PTPRD: variants seen among roughly 807,000 people sequenced by gnomAD.
PTPRD encodes protein tyrosine phosphatase receptor type D, also known as receptor-type tyrosine-protein phosphatase delta.
PTPRD carries 34 observed loss-of-function variants against 214.5 expected under a neutral mutation model. That is an observed-to-expected ratio of 0.16 (90% CI 0.12 to 0.21). PTPRD has a LOEUF of 0.21. PTPRD is among the 10% of genes least tolerant of loss of function. The pLI, the probability that PTPRD is intolerant of heterozygous loss-of-function variation, is 1.00. For synonymous variants in PTPRD, 1,128 were observed against 845.7 expected, an observed-to-expected ratio of 1.33 and a Z score of -5.79; for missense variants, 2,545 against 2,398.7, an observed-to-expected ratio of 1.06 and a Z score of -1.27.
chr9:9,333,504 T>TATATATATA (rs1555249397), intron 9 of PTPRD, among the ~76,000 whole-genome samples: 15 of 137,226 alleles, frequency 1.1e-4, no homozygotes, highest in African/African-American at 4.4e-4. Flanking sequence ...ATATAGTATA[T>TATATATATA]TATATATATA....
intron 8 of PTPRD, among the ~76,000 whole-genome samples, chr9:9,460,109 C>G (rs1264673820): frequency 1.3e-5 from 2 of 151,876 alleles, no homozygotes; most frequent in Non-Finnish European, 2.9e-5. Flanking sequence ...ACATCTTATT[C>G]AATAAATGGT....
intron 11 of PTPRD, chr9:8,858,060 T>TCGCTGC (rs1282575643): frequency 6.5e-6 from 1 of 153,336 alleles, no homozygotes; most frequent in East Asian, 2.0e-4. Context: ...CCCGCTTCTC[T>TCGCTGC]CGCTGCCGCC....
intron 10 of PTPRD, among the ~76,000 whole-genome samples, chr9:9,099,946 G>T (rs2099789028): frequency 6.6e-6 from 1 of 152,152 alleles, no homozygotes; most frequent in South Asian, 2.1e-4. Context: ...GGGAAAATCT[G>T]TTCCAATTAG....
chr9:9,509,853 A>C (rs1175742003), intron 8 of PTPRD, among the ~76,000 whole-genome samples: 2 of 151,506 alleles, frequency 1.3e-5, no homozygotes. Flanking sequence ...ATTACTTTCC[A>C]GATCATTTGC....
chr9:10,555,564 G>C (rs1048963837), intron 2 of PTPRD, among the ~76,000 whole-genome samples: 21 of 152,128 alleles, frequency 1.4e-4, no homozygotes, highest in African/African-American at 5.1e-4. Context: ...GATCAAACAA[G>C]ATTAGGGTAA....
chr9:8,919,658 G>A (rs1314071673), intron 11 of PTPRD, among the ~76,000 whole-genome samples: 1 of 151,958 alleles, frequency 6.6e-6, no homozygotes, highest in Non-Finnish European at 1.5e-5. Flanking sequence ...CATTTATAGT[G>A]TTTTGGAATC....
At chr9:9,617,795 C>T (rs1027550219) in intron 7 of PTPRD, among the ~76,000 whole-genome samples, 4 of 151,386 alleles carry the variant, frequency 2.6e-5, no homozygotes, top group African/African-American at 4.9e-5. Flanking sequence ...ATTTTGGGCC[C>T]GGCGCGGTGG....
chr9:8,509,312 G>C (rs955141175), intron 21 of PTPRD, among the ~76,000 whole-genome samples: 4 of 152,188 alleles, frequency 2.6e-5, no homozygotes, highest in African/African-American at 9.7e-5. Flanking sequence ...AGAGTGACCA[G>C]ATAGATGGGA....
chr9:9,481,816 A>G (rs1265959507), intron 8 of PTPRD, among the ~76,000 whole-genome samples: 7 of 152,184 alleles, frequency 4.6e-5, no homozygotes, highest in Non-Finnish European at 8.8e-5. Context: ...GCTCTGCTCC[A>G]TACCTGAAAC....
chr9:8,916,695 C>G (rs936719943), intron 11 of PTPRD, among the ~76,000 whole-genome samples: 26 of 152,174 alleles, frequency 1.7e-4, no homozygotes, highest in African/African-American at 5.8e-4. Context: ...TCACATAGTG[C>G]TCAAAAAATG....
chr9:9,780,092 G>A (rs1195807635), intron 5 of PTPRD, among the ~76,000 whole-genome samples: 1 of 152,142 alleles, frequency 6.6e-6, no homozygotes, highest in Non-Finnish European at 1.5e-5. Context: ...TAAAAGGTAG[G>A]AAATCACATT....
intron 3 of PTPRD, among the ~76,000 whole-genome samples, chr9:10,069,694 G>C (rs539832784): frequency 6.6e-6 from 1 of 151,896 alleles, no homozygotes; most frequent in Non-Finnish European, 1.5e-5. Flanking sequence ...AAAAGAAGTA[G>C]TGCATATGAG....
chr9:10,203,620 G>A (rs1385371414), intron 3 of PTPRD, among the ~76,000 whole-genome samples: 2 of 152,084 alleles, frequency 1.3e-5, no homozygotes, highest in African/African-American at 4.8e-5. Flanking sequence ...ATGGATCCAG[G>A]ATTCCATCAT....
chr9:10,486,611 C>A (rs2132449039), intron 2 of PTPRD, among the ~76,000 whole-genome samples: 1 of 152,242 alleles, frequency 6.6e-6, no homozygotes, highest in Admixed American at 6.5e-5. Context: ...TTTATTTGAA[C>A]AGTTTCCTAA....
At chr9:10,439,435 T>C (rs2098744559) in intron 2 of PTPRD, among the ~76,000 whole-genome samples, 1 of 151,672 alleles carries the variant, frequency 6.6e-6, no homozygotes, top group South Asian at 2.1e-4. Context: ...AGTACTAGAA[T>C]GAAAAAGGAA....
intron 5 of PTPRD, among the ~76,000 whole-genome samples, chr9:9,878,387 G>A (rs920703074): frequency 3.3e-5 from 5 of 152,152 alleles, no homozygotes; most frequent in Admixed American, 6.5e-5. Flanking sequence ...GCTAGCTATC[G>A]TGGGAGAATT....
rs777577678 is a variant in PTPRD, at chr9:10,271,543, TCTTTTC to T, written c.-545+69414_-545+69419del. Among the ~76,000 whole-genome samples the T allele has an allele frequency of 3.6e-5, 5 of 138,442 alleles. 1 individual carries two copies. The highest frequency in any genetic ancestry group is 6.2e-5 in the Non-Finnish European group (4 of 64,862). The allele number at this position is 138,442 out of a possible 152,430, so 90.8% of individuals were successfully genotyped here. Reference sequence around the variant, plus strand: ...ATAAATTCAATTGTTTCTTTTCTTTTCTTTTCTTTTTTTTTTTGAGACGGAATCTTG... The same window carrying T: ...ATAAATTCAATTGTTTCTTTTCTTTTTTTTTTTTTTTGAGACGGAATCTTG... On this transcript the variant is annotated intron_variant, in intron 3 of 45. Coordinates refer to ENST00000381196, the MANE Select transcript of PTPRD (RefSeq NM_002839.4).
chr9:9,630,725 T>A (rs114043643), intron 7 of PTPRD, among the ~76,000 whole-genome samples: 1 of 152,178 alleles, frequency 6.6e-6, no homozygotes, highest in African/African-American at 2.4e-5. Flanking sequence ...TTTCAATAAA[T>A]TGATTTTATA....
At chr9:8,659,886 G>A (rs550282043) in intron 12 of PTPRD, among the ~76,000 whole-genome samples, 2 of 152,204 alleles carry the variant, frequency 1.3e-5, no homozygotes, top group East Asian at 1.9e-4. Flanking sequence ...ATATTATCAT[G>A]GCAGTGTAAA....
Sources: allele counts gnomAD v4.1 joint callset (sites outside exome capture counted in the v4.1 genomes callset), GRCh38; gene constraint gnomAD v4.1.1; transcripts MANE v1.5; gene names NCBI Gene and HGNC (gene_info 2026-07-23, HGNC 2026-07-21).